FN1: variants seen among roughly 807,000 people sequenced by gnomAD.
FN1 encodes fibronectin.
In FN1, 106 loss-of-function variants were observed where a neutral mutation model predicts 297.3. The observed-to-expected ratio is 0.36, with a 90% CI of 0.30 to 0.42. The LOEUF (loss-of-function observed/expected upper bound fraction) is 0.42. Ranked by LOEUF, FN1 falls within the 10% of genes least tolerant of loss-of-function variation. The pLI, the probability that FN1 is intolerant of heterozygous loss-of-function variation, is 1.00. For missense variants in FN1, 2,690 were observed against 3,124.9 expected (o/e 0.86, Z 3.32); for synonymous variants, 1,149 against 1,152.6 (o/e 1.00, Z 0.06).
intron 30 of FN1, 46 bp downstream of exon 30, chr2:215,383,974 T>C (rs921248565): frequency 6.3e-7 from 1 of 1,585,316 alleles, no homozygotes; most frequent in Non-Finnish European, 8.6e-7. Context: ...CAAAACAGTA[T>C]CTGAATAAGT....
At chr2:215,419,164 A>T in intron 12 of FN1, 78 bp downstream of exon 12, 2 of 1,283,222 alleles carry the variant, frequency 1.6e-6, no homozygotes, top group Admixed American at 3.4e-5. Context: ...CAACTTAGGC[A>T]TGAGAGCATT....
chr2:215,384,312 C>A, intron 29 of FN1, 128 bp from the exon 30 acceptor site: 1 of 925,380 alleles, frequency 1.1e-6, no homozygotes. Context: ...TTTTAAAGAG[C>A]GCTATCTTGA....
At chr2:215,407,949 C>A (rs577169867) in intron 17 of FN1, among the ~76,000 whole-genome samples, 159 bp downstream of exon 17, 1 of 21,100 alleles carries the variant, frequency 4.7e-5, no homozygotes, top group South Asian at 1.7e-3. Flanking sequence ...ACTCCCCCAC[C>A]CCCGCCACAC....
At chr2:215,389,958 T>G (rs183995166) in intron 26 of FN1, among the ~76,000 whole-genome samples, 2 of 152,344 alleles carry the variant, frequency 1.3e-5, no homozygotes, top group Admixed American at 1.3e-4. Context: ...AATATTTGTA[T>G]ATCTAAAAGA....
chr2:215,434,773 C>G lies in FN1; in HGVS notation c.200G>C (p.Arg67Pro). Residue 67 changes from arginine to proline, a missense_variant, in exon 2 of 46, where the codon CGG becomes CCG. Arg to Pro is a moderately radical substitution (Grantham distance 103, BLOSUM62 -2). Around this residue, in one of 3 missense-constraint regions of FN1, gnomAD observed 876 missense variants for 1,058.1 expected, o/e 0.83. Coordinates refer to ENST00000354785, the MANE Select transcript of FN1 (RefSeq NM_212482.4). ...AACCAACGCATTGCCTAGGTAGGTC[C>G]GCTCCCACTGTTGATTTATCTGATA... Reference protein sequence around the residue: ...KHYQINQQWERTYLGNALVCT... With the variant: ...KHYQINQQWEPTYLGNALVCT... 2.5e-6 allele frequency: 4 copies of G among 1,614,000 alleles called. No homozygotes were observed. The highest frequency in any genetic ancestry group is 3.4e-6 in the Non-Finnish European group (4 of 1,179,892).
chr2:215,390,024 C>G (rs1334326673), intron 26 of FN1, among the ~76,000 whole-genome samples: 2 of 152,194 alleles, frequency 1.3e-5, no homozygotes, highest in Non-Finnish European at 2.9e-5. Context: ...CCTCATTCCC[C>G]TGCACACCAT....
intron 31 of FN1, among the ~76,000 whole-genome samples, chr2:215,382,677 A>G (rs1242871948): frequency 6.6e-6 from 1 of 152,210 alleles, no homozygotes; most frequent in Non-Finnish European, 1.5e-5. Flanking sequence ...CAAAGACAAC[A>G]TAGCTAAAAA....
At chr2:215,383,975 C>T in intron 30 of FN1, 45 bp downstream of exon 30, 1 of 1,587,104 alleles carries the variant, frequency 6.3e-7, no homozygotes, top group Non-Finnish European at 8.6e-7. Context: ...AAAACAGTAT[C>T]TGAATAAGTA....
In FN1 at chr2:215,371,890, G is replaced by T; in HGVS notation, c.6714+19C>A. 1 of 1,590,446 alleles carries T rather than the reference G, an allele frequency of 6.3e-7. No homozygotes were observed. Among genetic ancestry groups the T allele is most frequent in the Non-Finnish European group, 8.6e-7 (1 of 1,158,396 alleles). On this transcript the variant is annotated intron_variant, in intron 40 of 45. Coordinates refer to ENST00000354785, the MANE Select transcript of FN1 (RefSeq NM_212482.4). ...CTTTCTGTGCTGCCCCATGAGAAGT[G>T]AAGAGAACAATTAATTACCTGTAAG...
At chr2:215,406,821 AAAT>A (rs1282233734) in intron 18 of FN1, among the ~76,000 whole-genome samples, 1 of 152,230 alleles carries the variant, frequency 6.6e-6, no homozygotes, top group Non-Finnish European at 1.5e-5. Flanking sequence ...TAACTGCAGA[AAAT>A]AATGTAACAG....
Position 215,435,857 on chromosome 2 carries a change from T to G in FN1, c.-55A>C. The G allele has an allele frequency of 6.7e-7, 1 of 1,502,230 alleles. No homozygotes were observed. Among genetic ancestry groups the G allele is most frequent in the Non-Finnish European group, 8.9e-7 (1 of 1,127,886 alleles). 93.1% of individuals were successfully genotyped at this position (1,502,230 alleles called of 1,614,324 possible). ...CCGGGAGGCAAGTTGCCACCAAGTT[T>G]GCTTCCCTTCGCAACCTGCGGGAAA... On this transcript the variant is annotated 5_prime_UTR_variant, in exon 1 of 46. Coordinates refer to ENST00000354785, the MANE Select transcript of FN1 (RefSeq NM_212482.4).
At chr2:215,433,614 C>A (rs866829013) in intron 2 of FN1, among the ~76,000 whole-genome samples, 153 bp from the exon 3 acceptor site, 2 of 152,184 alleles carry the variant, frequency 1.3e-5, no homozygotes, top group African/African-American at 4.8e-5. Flanking sequence ...AGATTTTTAT[C>A]CTAAGCTCTA....
chr2:215,425,191 A>C lies in FN1; in HGVS notation c.939T>G (p.Gly313=). Residue 313 remains glycine (G), a synonymous_variant, in exon 7 of 46, where the codon GGT becomes GGG. Coordinates refer to ENST00000354785, the MANE Select transcript of FN1 (RefSeq NM_212482.4). ...ACTGCATCCCCACAGAGTAGACCAC[A>C]CCACTGTCTGTGACACAGTGGCCAT... is the stretch of plus-strand genomic sequence containing the variant. ...PPYGHCVTDS[G]VVYSVGMQWL... is the part of the protein sequence containing the mutation. 6.2e-7 allele frequency: 1 copy of C among 1,613,994 alleles called. No individual in the cohort carries two copies. The highest frequency in any genetic ancestry group is 8.5e-7 in the Non-Finnish European group (1 of 1,179,906).
intron 40 of FN1, chr2:215,370,668 T>C: frequency 1.9e-6 from 1 of 515,016 alleles, no homozygotes; most frequent in Non-Finnish European, 3.5e-6. Flanking sequence ...TCTACCTACG[T>C]GCTCCGTAGT....
At chr2:215,362,152 TAAAG>T (rs1397467600) in intron 44 of FN1, 73 bp from the exon 45 acceptor site, 2 of 1,153,752 alleles carry the variant, frequency 1.7e-6, no homozygotes, top group African/African-American at 3.0e-5. Context: ...GTGTTTGAGT[TAAAG>T]AAAAATGTCA....
intron 6 of FN1, among the ~76,000 whole-genome samples, chr2:215,426,896 G>C (rs1189181457): frequency 6.6e-6 from 1 of 151,220 alleles, no homozygotes; most frequent in African/African-American, 2.4e-5. Context: ...ATTTTTTTGA[G>C]ATGGGGTCTC....
chr2:215,366,320 T>A (rs1409401669), intron 42 of FN1, among the ~76,000 whole-genome samples: 2 of 152,096 alleles, frequency 1.3e-5, no homozygotes. Flanking sequence ...TAGGAATAGA[T>A]CCTAGATGAA....
intron 34 of FN1, among the ~76,000 whole-genome samples, chr2:215,378,879 T>A (rs2057766351): frequency 6.6e-6 from 1 of 152,144 alleles, no homozygotes; most frequent in South Asian, 2.1e-4. Flanking sequence ...CCACAACCTT[T>A]TAAAATAAGC....
chr2:215,401,238 G>GAAAA lies in FN1; in HGVS notation c.3254-1888_3254-1887insTTTT, dbSNP rs1553629582. ...AGAAAGAAAGAAAGAAAGAAAGAAA[G>GAAAA]AAAGAAAGAAAGGAAGAAAGAAAGG... On this transcript the variant is annotated intron_variant, in intron 20 of 45. Transcript: ENST00000354785. Among the ~76,000 whole-genome samples, 69 of 55,120 alleles carry GAAAA rather than the reference G, an allele frequency of 1.3e-3. 1 individual carries two copies. The highest frequency in any genetic ancestry group is 5.2e-3 in the African/African-American group (60 of 11,506). 36.2% of individuals were successfully genotyped at this position (55,120 alleles called of 152,430 possible). A position where few individuals can be genotyped will look rare whatever the true frequency, so the allele number is the denominator to read the frequency against.
Sources: allele counts gnomAD v4.1 joint callset (sites outside exome capture counted in the v4.1 genomes callset), GRCh38; gene constraint gnomAD v4.1.1; regional missense constraint gnomAD v4.1.1; transcripts MANE v1.5; gene names NCBI Gene and HGNC (gene_info 2026-07-23, HGNC 2026-07-21).